Variants in CRYBG3 observed in about 807,000 individuals in gnomAD.
CRYBG3 encodes crystallin beta-gamma domain containing 3, also known as very large A-kinase anchor protein.
In CRYBG3, 127 loss-of-function variants were observed where a neutral mutation model predicts 244.2. That is an observed-to-expected ratio of 0.52 (90% CI 0.45 to 0.60). The LOEUF (loss-of-function observed/expected upper bound fraction) is 0.60, where lower values mean the gene tolerates loss of function less well. Among genes scored for constraint, CRYBG3 ranks in the 20% least tolerant of loss-of-function variants. The probability of loss-of-function intolerance (pLI) is 0.00; values close to 1 mark genes in which losing one functional copy is unlikely to be tolerated. For missense variants in CRYBG3, 3,325 were observed against 3,442.5 expected, an observed-to-expected ratio of 0.97 and a Z score of 0.85; for synonymous variants, 1,132 against 1,195.8, an observed-to-expected ratio of 0.95 and a Z score of 1.10.
chr3:97,942,376 G>T lies in CRYBG3; in HGVS notation c.8757G>T (p.Lys2919Asn), dbSNP rs763609553. 16 of 1,611,964 alleles carry T rather than the reference G, an allele frequency of 9.9e-6. No homozygotes were observed. The highest frequency in any genetic ancestry group is 1.4e-5 in the Non-Finnish European group (16 of 1,178,590). Residue 2919 changes from lysine (K) to asparagine (N), a missense_variant, in exon 21 of 22, where the codon AAG becomes AAT. By Grantham distance (94) the Lys-to-Asn change is moderately conservative. Coordinates refer to ENST00000389622, the MANE Select transcript of CRYBG3 (RefSeq NM_153605.4). Reference protein sequence around the residue: ...LWTEHGQFRQKWRLNKNGTIS... With the variant: ...LWTEHGQFRQNWRLNKNGTIS... Reference sequence around the variant, plus strand: ...CTGAACATGGGCAATTCAGGCAGAAGTGGAGACTGAATAAAAATGGAACTA... The same window carrying T: ...CTGAACATGGGCAATTCAGGCAGAATTGGAGACTGAATAAAAATGGAACTA...
intron 1 of CRYBG3, among the ~76,000 whole-genome samples, chr3:97,824,128 A>G (rs2038547869): frequency 6.6e-6 from 1 of 152,178 alleles, no homozygotes; most frequent in Non-Finnish European, 1.5e-5. Flanking sequence ...AATGAGCTTA[A>G]ATCTTTCATT....
At chr3:97,853,552 C>A (rs1382080019) in intron 2 of CRYBG3, among the ~76,000 whole-genome samples, 2 of 152,166 alleles carry the variant, frequency 1.3e-5, no homozygotes, top group African/African-American at 4.8e-5. Flanking sequence ...ATAATGACTT[C>A]TTTTCCTCTG....
At position 97,863,116 on chromosome 3, in the gene CRYBG3, A is replaced by T. The variant is rs1225179921; in HGVS notation, c.217-1101A>T. Among the ~76,000 whole-genome samples the T allele has an allele frequency of 2.0e-5, 3 of 152,162 alleles. No homozygotes were observed. The East Asian group carries it at 5.8e-4, about 29-fold the overall frequency. On this transcript the variant is annotated intron_variant, in intron 2 of 21. Coordinates refer to ENST00000389622, the MANE Select transcript of CRYBG3 (RefSeq NM_153605.4). ...TTATAAAACATTGTCATGTGAACCTAAAGTGCCCTAAGGTGGTTTTGCCTT... is the reference window on the plus strand; with the variant it reads ...TTATAAAACATTGTCATGTGAACCTTAAGTGCCCTAAGGTGGTTTTGCCTT...
intron 17 of CRYBG3, among the ~76,000 whole-genome samples, chr3:97,920,903 T>C (rs2039977449): frequency 6.6e-6 from 1 of 152,178 alleles, no homozygotes; most frequent in African/African-American, 2.4e-5. Flanking sequence ...TCATTCTGTC[T>C]TTCTAAAACT....
intron 19 of CRYBG3, among the ~76,000 whole-genome samples, chr3:97,939,944 T>C (rs997191382): frequency 1.3e-5 from 2 of 152,030 alleles, no homozygotes; most frequent in Non-Finnish European, 2.9e-5. Flanking sequence ...TTCACGTTGA[T>C]CTATCAAGTT....
chr3:97,875,625 A>G lies in CRYBG3; in HGVS notation c.4431A>G (p.Lys1477=). The G allele has an allele frequency of 8.1e-7, 1 of 1,235,326 alleles. No homozygotes were observed. The highest frequency in any genetic ancestry group is 1.0e-6 in the Non-Finnish European group (1 of 990,394). 76.5% of individuals were successfully genotyped at this position (1,235,326 alleles called of 1,614,324 possible). Residue 1477 remains lysine (K), a synonymous_variant, in exon 4 of 22, where the codon AAA becomes AAG. Coordinates refer to ENST00000389622, the MANE Select transcript of CRYBG3 (RefSeq NM_153605.4). ...GAAGAACTCTTGTATTAAATTTCAA[A>G]TGGCCTCCACTTGTGAATGATGACA... ...EDRRTLVLNF[K]WPPLVNDDIH...
At chr3:97,921,866 G>A (rs2039988162) in intron 17 of CRYBG3, among the ~76,000 whole-genome samples, 1 of 152,110 alleles carries the variant, frequency 6.6e-6, no homozygotes, top group African/African-American at 2.4e-5. Context: ...GTAGTTAGCT[G>A]GTTGCTTCTC....
chr3:97,867,744 A>C (rs1322298651), intron 3 of CRYBG3, among the ~76,000 whole-genome samples: 5 of 152,188 alleles, frequency 3.3e-5, no homozygotes, highest in African/African-American at 1.2e-4. Flanking sequence ...TGAAGTTAAT[A>C]CTCCCTTTTC....
intron 2 of CRYBG3, among the ~76,000 whole-genome samples, chr3:97,862,996 C>G (rs2039172714): frequency 6.6e-6 from 1 of 152,066 alleles, no homozygotes; most frequent in African/African-American, 2.4e-5. Flanking sequence ...GTGAAATACT[C>G]CTTTATACTA....
At position 97,828,743 on chromosome 3, in the gene CRYBG3, T is replaced by G. The variant is rs567907259; in HGVS notation, c.149+6388T>G. Among the ~76,000 whole-genome samples the G allele has an allele frequency of 6.0e-5, 9 of 149,766 alleles. 1 individual carries two copies. Among genetic ancestry groups the G allele is most frequent in the African/African-American group, 2.2e-4 (9 of 40,848 alleles). ...TTCCAGAGGCTGAGGCAGGAGAATC[T>G]CTTGAACCTGGGAGGCAGAGGTTGC... On this transcript the variant is annotated intron_variant, in intron 1 of 21. Coordinates refer to ENST00000389622, the MANE Select transcript of CRYBG3 (RefSeq NM_153605.4).
At chr3:97,860,091 A>G (rs1327790342) in intron 2 of CRYBG3, among the ~76,000 whole-genome samples, 2 of 152,150 alleles carry the variant, frequency 1.3e-5, no homozygotes, top group African/African-American at 2.4e-5. Flanking sequence ...ACTTATGACT[A>G]TTCCTATTTC....
chr3:97,889,747 G>A (rs2039553289), intron 10 of CRYBG3, among the ~76,000 whole-genome samples: 1 of 152,120 alleles, frequency 6.6e-6, no homozygotes, highest in South Asian at 2.1e-4. Flanking sequence ...ATTTGGGAGT[G>A]ATGCTCAGGA....
chr3:97,857,122 T>C (rs2039076621), intron 2 of CRYBG3, among the ~76,000 whole-genome samples: 1 of 152,142 alleles, frequency 6.6e-6, no homozygotes, highest in Admixed American at 6.5e-5. Context: ...AATTTTCTTC[T>C]TTTTTCATCG....
chr3:97,918,510 C>T (rs2039951302), intron 17 of CRYBG3, among the ~76,000 whole-genome samples: 1 of 152,098 alleles, frequency 6.6e-6, no homozygotes, highest in Non-Finnish European at 1.5e-5. Flanking sequence ...CATGGACAGC[C>T]TCCAGTTCTG....
intron 2 of CRYBG3, 36 bp from the exon 3 acceptor site, chr3:97,864,181 T>C (rs2039191666): frequency 7.1e-7 from 1 of 1,412,936 alleles, no homozygotes; most frequent in African/African-American, 1.4e-5. Context: ...ATTATTTAAA[T>C]AATGATGCTT....
At chr3:97,935,245 A>G (rs1397874034) in intron 18 of CRYBG3, among the ~76,000 whole-genome samples, 2 of 152,098 alleles carry the variant, frequency 1.3e-5, no homozygotes, top group African/African-American at 4.8e-5. Flanking sequence ...AAATCAATAT[A>G]TAATTAGGTA....
At chr3:97,863,781 C>G (rs765895287) in intron 2 of CRYBG3, among the ~76,000 whole-genome samples, 2 of 152,158 alleles carry the variant, frequency 1.3e-5, no homozygotes, top group Non-Finnish European at 1.5e-5. Flanking sequence ...ACCTCTCACT[C>G]TTGTCATTTT....
intron 9 of CRYBG3, 103 bp from the exon 10 acceptor site, chr3:97,889,252 C>G: frequency 2.2e-6 from 2 of 900,394 alleles, no homozygotes; most frequent in Non-Finnish European, 3.5e-6. Context: ...GTAATCTTCA[C>G]TGGTTAGATT....
Position 97,862,267 on chromosome 3 carries a change from T to G in CRYBG3, c.217-1950T>G, listed in dbSNP as rs921645915. ...TTTGACAAAAATTACTGTTTTGAGA[T>G]TTTAATGATGTTAAAAGTGGTAATC... On this transcript the variant is annotated intron_variant, in intron 2 of 21. Coordinates refer to ENST00000389622, the MANE Select transcript of CRYBG3 (RefSeq NM_153605.4). Among the ~76,000 whole-genome samples the G allele has an allele frequency of 1.1e-4, 16 of 152,172 alleles. 1 individual carries two copies. The highest frequency in any genetic ancestry group is 6.5e-5 in the Admixed American group (1 of 15,270).
Sources: gnomAD v4.1 joint callset for allele counts (sites outside exome capture counted in the v4.1 genomes callset) on GRCh38, gnomAD v4.1.1 for gene constraint, MANE v1.5 for transcripts, NCBI Gene and HGNC (gene_info 2026-07-23, HGNC 2026-07-21) for gene names.